ITPR2: variants seen among roughly 807,000 people sequenced by gnomAD.
ITPR2 encodes inositol 1,4,5-trisphosphate receptor type 2.
In ITPR2, 207 loss-of-function variants were observed where a neutral mutation model predicts 317.1. The observed-to-expected ratio is 0.65, with a 90% CI of 0.58 to 0.73. The LOEUF (loss-of-function observed/expected upper bound fraction) is 0.73, where lower values mean the gene tolerates loss of function less well. ITPR2 is among the 30% of genes least tolerant of loss of function. ITPR2 has a pLI of 0.00. For missense variants in ITPR2, 2,613 were observed against 3,284.0 expected (o/e 0.80, Z 4.99); for synonymous variants, 1,156 against 1,149.1 (o/e 1.01, Z -0.12).
At chr12:26,754,040 A>G (rs7299241) in intron 2 of ITPR2, among the ~76,000 whole-genome samples, 5,270 of 152,246 alleles carry the variant, frequency 0.035, 290 homozygotes, top group African/African-American at 0.12. Flanking sequence ...TATATATGAA[A>G]GAGCTTTGAT....
intron 37 of ITPR2, among the ~76,000 whole-genome samples, chr12:26,508,461 T>C (rs1411772309): frequency 6.6e-6 from 1 of 152,200 alleles, no homozygotes. Flanking sequence ...ATACATTTTC[T>C]ATATGTAGCC....
intron 9 of ITPR2, among the ~76,000 whole-genome samples, chr12:26,702,467 C>G (rs1351980629): frequency 1.4e-5 from 2 of 141,194 alleles, no homozygotes; most frequent in Non-Finnish European, 1.5e-5. Context: ...GAGACAGACT[C>G]TCACTCTGTC....
chr12:26,424,499 A>G (rs973567229), intron 49 of ITPR2, among the ~76,000 whole-genome samples: 20 of 151,704 alleles, frequency 1.3e-4, no homozygotes, highest in African/African-American at 4.8e-4. Context: ...TGATATTTTC[A>G]TGTATTTATT....
chr12:26,363,025 T>C (rs1029302617), intron 55 of ITPR2, among the ~76,000 whole-genome samples: 3 of 152,222 alleles, frequency 2.0e-5, no homozygotes, highest in African/African-American at 4.8e-5. Flanking sequence ...CCCTGGGCCA[T>C]GGACCAGTAC....
rs372001719 is a variant in ITPR2 at position 26,654,042 on chromosome 12, T to C, written c.2674A>G (p.Ile892Val). ...LLRLTRTLLA[I>V]LDIVQAPMSS... ...ATGGGGGCCTGTACAATGTCTAAAA[T>C]AGCCAGAAGTGTTCTTGTTAGCCTT... Residue 892 changes from isoleucine (I) to valine (V), a missense_variant, in exon 21 of 57, where the codon ATT becomes GTT. Ile to Val is a conservative substitution (Grantham distance 29). Coordinates refer to ENST00000381340, the MANE Select transcript of ITPR2 (RefSeq NM_002223.4). 2.5e-4 allele frequency: 406 copies of C among 1,595,376 alleles called. No homozygotes were observed. The highest frequency in any genetic ancestry group is 3.3e-4 in the Non-Finnish European group (390 of 1,171,572).
At chr12:26,597,212 T>A in intron 30 of ITPR2, 78 bp from the exon 31 acceptor site, 1 of 1,432,978 alleles carries the variant, frequency 7.0e-7, no homozygotes, top group Non-Finnish European at 9.7e-7. Context: ...TTGATATATC[T>A]GGAAACACGT....
chr12:26,393,289 T>C (rs1014571591), intron 54 of ITPR2, among the ~76,000 whole-genome samples: 4 of 152,268 alleles, frequency 2.6e-5, no homozygotes, highest in Non-Finnish European at 5.9e-5. Context: ...CCAGTCACTA[T>C]TTTATAGCCT....
In ITPR2 at chr12:26,477,007, T is replaced by C; in HGVS notation, c.6124A>G (p.Asn2042Asp). The C allele has an allele frequency of 6.3e-7, 1 of 1,594,302 alleles. No individual in the cohort carries two copies. The highest frequency in any genetic ancestry group is 8.6e-7 in the Non-Finnish European group (1 of 1,162,680). ...GCCAGCAAAAGTTTAGATGCATTGT[T>C]CTAGAGACACAGATTGAGTTAATGT... is the stretch of plus-strand genomic sequence containing the variant. ...YRMDLVLQLK[N>D]NASKLLLAIM... Residue 2042 changes from asparagine (N) to aspartate (D), a missense_variant and splice_region_variant, in exon 44 of 57, where the codon AAC becomes GAC. Coordinates refer to ENST00000381340, the MANE Select transcript of ITPR2 (RefSeq NM_002223.4).
intron 37 of ITPR2, among the ~76,000 whole-genome samples, chr12:26,522,851 A>T (rs541714431): frequency 5.9e-5 from 9 of 152,130 alleles, no homozygotes; most frequent in Non-Finnish European, 1.3e-4. Context: ...CGGGGGGGGA[A>T]CCCCACAACA....
chr12:26,478,587 T>C (rs906294844), intron 43 of ITPR2, among the ~76,000 whole-genome samples: 16 of 152,178 alleles, frequency 1.1e-4, no homozygotes, highest in Non-Finnish European at 8.8e-5. Flanking sequence ...TTCTAGCCAA[T>C]CTTCTTTTCT....
intron 2 of ITPR2, among the ~76,000 whole-genome samples, chr12:26,744,127 C>G (rs554748839): frequency 1.3e-3 from 202 of 152,316 alleles, no homozygotes; most frequent in African/African-American, 4.6e-3. Flanking sequence ...GAAGTCAGGG[C>G]CCAACAGCCT....
intron 54 of ITPR2, among the ~76,000 whole-genome samples, chr12:26,394,559 G>A (rs1382828733): frequency 6.6e-6 from 1 of 152,136 alleles, no homozygotes; most frequent in Non-Finnish European, 1.5e-5. Flanking sequence ...CCTGGAACTT[G>A]AGCTATAAAT....
chr12:26,502,382 C>G (rs1157253065), intron 37 of ITPR2, among the ~76,000 whole-genome samples: 1 of 152,174 alleles, frequency 6.6e-6, no homozygotes, highest in East Asian at 1.9e-4. Context: ...AGCAGACAAG[C>G]TTTAGATACC....
intron 34 of ITPR2, among the ~76,000 whole-genome samples, chr12:26,576,822 C>T (rs1278482843): frequency 6.6e-6 from 1 of 152,122 alleles, no homozygotes; most frequent in East Asian, 1.9e-4. Context: ...TTGTGTCCCT[C>T]GAAGTTCGTG....
At chr12:26,644,476 G>A (rs999365614) in intron 21 of ITPR2, among the ~76,000 whole-genome samples, 30 of 152,148 alleles carry the variant, frequency 2.0e-4, no homozygotes, top group African/African-American at 5.6e-4. Flanking sequence ...AGACACACCC[G>A]ATACTCGGTA....
At position 26,606,282 on chromosome 12, in the gene ITPR2, G is replaced by A. The variant is rs192183217; in HGVS notation, c.3463-3576C>T. 1.3e-4 allele frequency among the ~76,000 whole-genome samples: 20 copies of A among 151,842 alleles called. No homozygotes were observed. In the East Asian group the frequency reaches 2.5e-3, roughly 19 times the overall value. On this transcript the variant is annotated intron_variant, in intron 26 of 56. Coordinates refer to ENST00000381340, the MANE Select transcript of ITPR2 (RefSeq NM_002223.4). ...GACAATAGTGATGAAAAATAAATACGATGCTCCAAACGTCCTTGCATTTTA... is the reference window on the plus strand; with the variant it reads ...GACAATAGTGATGAAAAATAAATACAATGCTCCAAACGTCCTTGCATTTTA...
At chr12:26,415,613 ATAACC>A (rs1565514228) in intron 50 of ITPR2, 115 bp from the exon 51 acceptor site, 1 of 662,580 alleles carries the variant, frequency 1.5e-6, no homozygotes, top group Non-Finnish European at 2.3e-6. Context: ...ATATAAAGAA[ATAACC>A]TAAACCACCT....
intron 1 of ITPR2, among the ~76,000 whole-genome samples, chr12:26,797,679 T>G: frequency 7.6e-6 from 1 of 132,398 alleles, no homozygotes; most frequent in South Asian, 2.4e-4. Context: ...ATCATGGAAT[T>G]GTCTTTTTTT....
intron 19 of ITPR2, 96 bp downstream of exon 19, chr12:26,656,201 A>G (rs944690772): frequency 1.7e-5 from 25 of 1,467,420 alleles, no homozygotes; most frequent in Non-Finnish European, 2.1e-5. Context: ...AGGATACACA[A>G]ATGCCTTTCC....
Sources: gnomAD v4.1 joint callset for allele counts (sites outside exome capture counted in the v4.1 genomes callset) on GRCh38, gnomAD v4.1.1 for gene constraint, MANE v1.5 for transcripts, NCBI Gene and HGNC (gene_info 2026-07-23, HGNC 2026-07-21) for gene names.